SCUBE2: variants seen among roughly 807,000 people sequenced by gnomAD.
The protein encoded by SCUBE2 is signal peptide, CUB and EGF-like domain-containing protein 2.
A neutral mutation model predicts 125.9 loss-of-function variants in SCUBE2; 114 were observed. That is an observed-to-expected ratio of 0.91 (90% CI 0.78 to 1.06). SCUBE2 has a LOEUF of 1.06. Among genes scored for constraint, SCUBE2 ranks in the 50% least tolerant of loss-of-function variants. The pLI, the probability that SCUBE2 is intolerant of heterozygous loss-of-function variation, is 0.00. For synonymous variants in SCUBE2, 459 were observed against 492.9 expected (o/e 0.93, Z 0.91); for missense variants, 1,255 against 1,301.8 (o/e 0.96, Z 0.55).
intron 11 of SCUBE2, 117 bp from the exon 12 acceptor site, chr11:9,053,332 C>A (rs1319632045): frequency 2.3e-6 from 2 of 851,822 alleles, no homozygotes; most frequent in Non-Finnish European, 3.8e-6. Flanking sequence ...TCATGCCCAG[C>A]ACAGAACATA....
chr11:9,071,354 T>C (rs1361162654), intron 4 of SCUBE2, among the ~76,000 whole-genome samples: 1 of 152,222 alleles, frequency 6.6e-6, no homozygotes, highest in Admixed American at 6.5e-5. Flanking sequence ...CCAGATGCCA[T>C]TGTGATACAC....
intron 16 of SCUBE2, 148 bp from the exon 17 acceptor site, chr11:9,033,944 G>A (rs752831185): frequency 1.2e-5 from 9 of 732,592 alleles, no homozygotes; most frequent in Non-Finnish European, 2.1e-5. Context: ...CCCTGCCTTG[G>A]TTCTCTCTGC....
chr11:9,059,259 A>G (rs1203985064), intron 9 of SCUBE2, 44 bp downstream of exon 9: 1 of 1,599,832 alleles, frequency 6.3e-7, no homozygotes, highest in Admixed American at 1.7e-5. Flanking sequence ...CTCTGCTCCA[A>G]CCTGTGGGCC....
chr11:9,039,115 G>A (rs1210371146), intron 16 of SCUBE2, among the ~76,000 whole-genome samples: 1 of 152,040 alleles, frequency 6.6e-6, no homozygotes, highest in Admixed American at 6.5e-5. Flanking sequence ...CTCGGCATCC[G>A]AAAGTGAGCC....
At chr11:9,071,803 C>T (rs1860822466) in intron 4 of SCUBE2, among the ~76,000 whole-genome samples, 1 of 152,182 alleles carries the variant, frequency 6.6e-6, no homozygotes, top group Admixed American at 6.5e-5. Context: ...GCCACCCTGA[C>T]ACCTTCCCTG....
rs999103725 is a variant in SCUBE2, at chr11:9,050,471, G to C, written c.1639+135C>G. 2.5e-5 allele frequency: 17 copies of C among 679,094 alleles called. No individual in the cohort carries two copies. The African/African-American group carries it at 3.0e-4, about 12-fold the overall frequency. 42.1% of individuals were successfully genotyped at this position (679,094 alleles called of 1,614,324 possible). On this transcript the variant is annotated intron_variant, in intron 14 of 22. Transcript: ENST00000649792. ...TTGGGATGAGTCCCTGGAAGTTGGG[G>C]ATGGTTCAGTTCCATCTGCAGTGTG...
At chr11:9,081,677 A>C (rs75353536) in intron 2 of SCUBE2, among the ~76,000 whole-genome samples, 10,930 of 112,582 alleles carry the variant, frequency 0.097, 1,234 homozygotes, top group African/African-American at 0.33. Context: ...AACAAACAAA[A>C]AAAAAAAACC....
chr11:9,025,729 A>T lies in SCUBE2; in HGVS notation c.2827T>A (p.Phe943Ile), dbSNP rs753463400. The T allele has an allele frequency of 6.2e-7, 1 of 1,614,044 alleles. No individual in the cohort carries two copies. Among genetic ancestry groups the T allele is most frequent in the East Asian group, 2.2e-5 (1 of 44,874 alleles). ...TCATATGTCACGTATGGGACCTGGA[A>T]CCCTCTAGCGCTGTTCCCTTCATTG... Reference protein sequence around the residue: ...KSNEGNSARGFQVPYVTYDED... With the variant: ...KSNEGNSARGIQVPYVTYDED... The change falls in exon 21 of 23, where the codon TTC becomes ATC. Residue 943 changes from phenylalanine to isoleucine, a missense_variant. Around this residue, in one of 3 missense-constraint regions of SCUBE2, gnomAD observed 515 missense variants for 515.7 expected, o/e 1.00. Transcript: ENST00000649792.
Position 9,020,407 on chromosome 11 carries a change from G to C in SCUBE2, c.*638C>G, listed in dbSNP as rs946244573. 1 of 151,964 alleles carries C rather than the reference G, an allele frequency of 6.6e-6. No individual in the cohort carries two copies. The highest frequency in any genetic ancestry group is 2.4e-5 in the African/African-American group (1 of 41,376). The allele number at this position is 151,964 out of a possible 1,614,324, so 9.4% of individuals were successfully genotyped here. On this transcript the variant is annotated 3_prime_UTR_variant, in exon 23 of 23. Transcript: ENST00000649792. ...ATTATTATGTCTCCAGAAGTGCTTAGTTTTTATTTATTTCTAATTCTTTCT... is the reference window on the plus strand; with the variant it reads ...ATTATTATGTCTCCAGAAGTGCTTACTTTTTATTTATTTCTAATTCTTTCT...
At chr11:9,080,252 T>C (rs1861531103) in intron 2 of SCUBE2, among the ~76,000 whole-genome samples, 1 of 152,200 alleles carries the variant, frequency 6.6e-6, no homozygotes, top group Non-Finnish European at 1.5e-5. Flanking sequence ...TTCAAAAAGA[T>C]GACTTTAGAT....
At chr11:9,070,055 C>T (rs1860634892) in intron 4 of SCUBE2, among the ~76,000 whole-genome samples, 1 of 152,134 alleles carries the variant, frequency 6.6e-6, no homozygotes, top group African/African-American at 2.4e-5. Flanking sequence ...CTGTGACCAC[C>T]CTCAGCCACT....
chr11:9,053,624 C>T lies in SCUBE2; in HGVS notation c.1330+13G>A, dbSNP rs544383564. On this transcript the variant is annotated intron_variant, in intron 11 of 22. Coordinates refer to ENST00000649792, the MANE Select transcript of SCUBE2 (RefSeq NM_001367977.2). ...CAGCCTGCTGTCTGAGTCTGTGCCT[C>T]GGTTCCCCTTACCCACACAGTCTTT... The T allele has an allele frequency of 3.3e-5, 54 of 1,613,224 alleles. 1 individual carries two copies. In the South Asian group the frequency reaches 3.8e-4, roughly 11 times the overall value.
intron 16 of SCUBE2, among the ~76,000 whole-genome samples, chr11:9,046,262 C>A (rs879552436): frequency 2.0e-5 from 3 of 152,026 alleles, no homozygotes; most frequent in East Asian, 3.9e-4. Flanking sequence ...CCCGCCTTGG[C>A]CTCCCAAAGT....
chr11:9,074,686 G>C lies in SCUBE2; in HGVS notation c.383-71C>G. On this transcript the variant is annotated intron_variant, in intron 3 of 22. Coordinates refer to ENST00000649792, the MANE Select transcript of SCUBE2 (RefSeq NM_001367977.2). ...TGCCCCACCTCACCCAGCAGCTCAG[G>C]GGCCCTGCTAAGCAAAGATGAGGTT... 2.5e-6 allele frequency: 4 copies of C among 1,570,418 alleles called. No individual in the cohort carries two copies. The South Asian group carries it at 4.5e-5, about 18-fold the overall frequency.
At position 9,081,841 on chromosome 11, in the gene SCUBE2, T is replaced by C. The variant is rs151276647; in HGVS notation, c.257-2332A>G. On this transcript the variant is annotated intron_variant, in intron 2 of 22. Transcript: ENST00000649792. ...ACCCTGCTTTCCACTCTTTTGGGTATACACCCAGAAGTGGAATTGCTGGGT... is the reference window on the plus strand; with the variant it reads ...ACCCTGCTTTCCACTCTTTTGGGTACACACCCAGAAGTGGAATTGCTGGGT... Among the ~76,000 whole-genome samples, 45 of 152,374 alleles carry C rather than the reference T, an allele frequency of 3.0e-4. 1 individual carries two copies. The East Asian group carries it at 7.9e-3, about 27-fold the overall frequency.
At chr11:9,057,039 G>A (rs979149481) in intron 9 of SCUBE2, among the ~76,000 whole-genome samples, 1 of 152,198 alleles carries the variant, frequency 6.6e-6, no homozygotes, top group Non-Finnish European at 1.5e-5. Flanking sequence ...GTTCTACCAA[G>A]ACCGATCAGT....
Position 9,055,922 on chromosome 11 carries a change from A to C in SCUBE2, c.1091-13T>G, listed in dbSNP as rs1316193859. 1 of 1,607,922 alleles carries C rather than the reference A, an allele frequency of 6.2e-7. No homozygotes were observed. Among genetic ancestry groups the C allele is most frequent in the Non-Finnish European group, 8.5e-7 (1 of 1,174,408 alleles). On this transcript the variant is annotated splice_polypyrimidine_tract_variant and intron_variant, in intron 9 of 22. Coordinates refer to ENST00000649792, the MANE Select transcript of SCUBE2 (RefSeq NM_001367977.2). ...CACTCATCCACATCTGTAATGGTCA[A>C]AGGGAGAGGGGAGCTGAAACCCACT...
At chr11:9,040,803 C>T (rs1193611556) in intron 16 of SCUBE2, among the ~76,000 whole-genome samples, 2 of 152,222 alleles carry the variant, frequency 1.3e-5, no homozygotes, top group Admixed American at 6.5e-5. Flanking sequence ...CACGAGATTT[C>T]ATCACACCAC....
chr11:9,023,025 G>T (rs919448980), intron 21 of SCUBE2, among the ~76,000 whole-genome samples: 1 of 152,100 alleles, frequency 6.6e-6, no homozygotes, highest in African/African-American at 2.4e-5. Context: ...AATATTTTTT[G>T]TCCTGATATA....
Sources: allele counts gnomAD v4.1 joint callset (sites outside exome capture counted in the v4.1 genomes callset), GRCh38; gene constraint gnomAD v4.1.1; regional missense constraint gnomAD v4.1.1; transcripts MANE v1.5; gene names NCBI Gene and HGNC (gene_info 2026-07-23, HGNC 2026-07-21).